Variants in SI observed in about 807,000 individuals in gnomAD.
The protein encoded by SI is sucrase-isomaltase.
In SI, 235 loss-of-function variants were observed where a neutral mutation model predicts 253.3. The observed-to-expected ratio is 0.93, with a 90% CI of 0.83 to 1.03. The LOEUF is 1.03. SI is among the 50% of genes least tolerant of loss of function. SI has a pLI of 0.00. For missense variants in SI, 2,442 were observed against 2,211.1 expected, an observed-to-expected ratio of 1.10 and a Z score of -2.09; for synonymous variants, 819 against 712.0, an observed-to-expected ratio of 1.15 and a Z score of -2.39.
chr3:165,013,189 G>A, intron 33 of SI, 147 bp from the exon 34 acceptor site: 1 of 706,610 alleles, frequency 1.4e-6, no homozygotes. Context: ...CATTATTATT[G>A]ACACACATAC....
At chr3:164,996,995 T>C (rs1718041553) in intron 38 of SI, among the ~76,000 whole-genome samples, 2 of 151,772 alleles carry the variant, frequency 1.3e-5, no homozygotes, top group Admixed American at 1.3e-4. Context: ...ACTATAAGCT[T>C]CCTTGACACT....
intron 2 of SI, among the ~76,000 whole-genome samples, chr3:165,074,928 T>A (rs1169240583): frequency 6.6e-6 from 1 of 151,998 alleles, no homozygotes; most frequent in Admixed American, 6.6e-5. Context: ...ACAAAAGGAC[T>A]TGGTGTAGAT....
intron 18 of SI, among the ~76,000 whole-genome samples, chr3:165,040,688 A>G (rs1712772195): frequency 6.6e-6 from 1 of 152,016 alleles, no homozygotes; most frequent in South Asian, 2.1e-4. Context: ...CTCTTTACTG[A>G]TATAATATCC....
chr3:165,041,344 A>AT (rs905221920), intron 17 of SI, among the ~76,000 whole-genome samples: 68 of 150,822 alleles, frequency 4.5e-4, no homozygotes, highest in African/African-American at 1.1e-3. Flanking sequence ...GAAAAAATAA[A>AT]TTTTTTTTTT....
intron 37 of SI, among the ~76,000 whole-genome samples, chr3:165,004,151 C>T (rs1181195375): frequency 6.6e-6 from 1 of 152,042 alleles, no homozygotes; most frequent in African/African-American, 2.4e-5. Context: ...TTTGAATAGG[C>T]ATTTCTCAAA....
At chr3:165,051,997 C>G (rs1713457226) in intron 13 of SI, among the ~76,000 whole-genome samples, 1 of 151,860 alleles carries the variant, frequency 6.6e-6, no homozygotes, top group Non-Finnish European at 1.5e-5. Context: ...AAATTATTAA[C>G]CTACTGAGGC....
intron 13 of SI, among the ~76,000 whole-genome samples, chr3:165,052,306 G>A (rs1713472463): frequency 6.6e-6 from 1 of 152,070 alleles, no homozygotes; most frequent in Admixed American, 6.6e-5. Flanking sequence ...AGTAGATTTG[G>A]AACATTGTAG....
At chr3:165,015,884 C>T (rs1719001232) in intron 32 of SI, 68 bp downstream of exon 32, 1 of 1,354,140 alleles carries the variant, frequency 7.4e-7, no homozygotes, top group African/African-American at 1.4e-5. Context: ...ATCTTCCCCC[C>T]CACCTGCTCA....
intron 44 of SI, among the ~76,000 whole-genome samples, chr3:164,988,315 A>G (rs961519689): frequency 4.6e-5 from 7 of 152,196 alleles, no homozygotes; most frequent in Admixed American, 6.5e-5. Flanking sequence ...TACCATGAAT[A>G]TGTATATGAA....
At chr3:165,000,762 C>T (rs1718221843) in intron 37 of SI, among the ~76,000 whole-genome samples, 1 of 151,288 alleles carries the variant, frequency 6.6e-6, no homozygotes, top group South Asian at 2.1e-4. Context: ...TTCAATTTTA[C>T]AAATTGTTCA....
At chr3:165,019,435 T>G (rs533124910) in intron 28 of SI, among the ~76,000 whole-genome samples, 167 bp downstream of exon 28, 4 of 151,930 alleles carry the variant, frequency 2.6e-5, no homozygotes, top group Non-Finnish European at 5.9e-5. Flanking sequence ...TAATTTATGG[T>G]GACTTTTTGG....
rs760215038 is a variant in SI, at chr3:165,019,876, T to C, written c.3255-106A>G. On this transcript the variant is annotated intron_variant, in intron 27 of 47. Transcript: ENST00000264382. ...TAGATTATCTAAAAATCAATATTATTTTCCATATTCCTAATTATACCCAGG... is the reference window on the plus strand; with the variant it reads ...TAGATTATCTAAAAATCAATATTATCTTCCATATTCCTAATTATACCCAGG... The C allele has an allele frequency of 2.5e-4, 262 of 1,035,062 alleles. 1 individual carries two copies. The highest frequency in any genetic ancestry group is 3.7e-4 in the Non-Finnish European group (252 of 681,002). 64.1% of individuals were successfully genotyped at this position (1,035,062 alleles called of 1,614,324 possible).
chr3:165,015,821 G>C (rs972531732), intron 32 of SI, 131 bp downstream of exon 32: 4 of 806,354 alleles, frequency 5.0e-6, no homozygotes, highest in Non-Finnish European at 8.5e-6. Context: ...TAAAGGAAGA[G>C]AGTTTTAGAT....
At chr3:164,984,755 T>G (rs1018676555) in intron 45 of SI, among the ~76,000 whole-genome samples, 3 of 152,196 alleles carry the variant, frequency 2.0e-5, no homozygotes, top group African/African-American at 7.2e-5. Flanking sequence ...TTCAAGATAA[T>G]TTGTTACCAC....
At position 165,030,801 on chromosome 3, in the gene SI, A is replaced by G. The variant is rs368086924; in HGVS notation, c.2803T>C (p.Phe935Leu). The change falls in exon 25 of 48, where the codon TTC becomes CTC. Residue 935 changes from phenylalanine to leucine, a missense_variant. Coordinates refer to ENST00000264382, the MANE Select transcript of SI (RefSeq NM_001041.4). Reference sequence around the variant, plus strand: ...CAATTAAATCTTTCATTTTCTGAGAAAATTTGATTCCATTGAACACTAAAG... The same window carrying G: ...CAATTAAATCTTTCATTTTCTGAGAGAATTTGATTCCATTGAACACTAAAG... ...RNFSVQWNQI[F>L]SENERFNCYP... The G allele has an allele frequency of 6.2e-7, 1 of 1,608,166 alleles. No homozygotes were observed. The highest frequency in any genetic ancestry group is 8.5e-7 in the Non-Finnish European group (1 of 1,176,596).
At chr3:164,983,515 T>C (rs1390193700) in intron 45 of SI, among the ~76,000 whole-genome samples, 1 of 152,178 alleles carries the variant, frequency 6.6e-6, no homozygotes, top group East Asian at 1.9e-4. Context: ...TAGTTAGAGA[T>C]TGTTGCAGGT....
chr3:165,037,843 T>C (rs533028830), intron 21 of SI, 57 bp downstream of exon 21: 3 of 1,219,620 alleles, frequency 2.5e-6, no homozygotes, highest in South Asian at 2.6e-5. Flanking sequence ...AATGCAAATA[T>C]GAAATATTAA....
chr3:165,076,110 T>G (rs1352256854), intron 1 of SI, 98 bp from the exon 2 acceptor site: 4 of 915,520 alleles, frequency 4.4e-6, no homozygotes, highest in Non-Finnish European at 6.3e-6. Context: ...TTTTTTACTA[T>G]GTATAATGCA....
chr3:164,979,356 T>C lies in SI; in HGVS notation c.*6A>G. 1 of 1,559,656 alleles carries C rather than the reference T, an allele frequency of 6.4e-7. No individual in the cohort carries two copies. The highest frequency in any genetic ancestry group is 8.8e-7 in the Non-Finnish European group (1 of 1,132,242). ...TCCCATTGACAACTAAAATTGATGG[T>C]GATCTTCATGACCAGTTGATTTCTA... On this transcript the variant is annotated 3_prime_UTR_variant, in exon 48 of 48. Transcript: ENST00000264382.
Sources: allele counts gnomAD v4.1 joint callset (sites outside exome capture counted in the v4.1 genomes callset), GRCh38; gene constraint gnomAD v4.1.1; transcripts MANE v1.5; gene names NCBI Gene and HGNC (gene_info 2026-07-23, HGNC 2026-07-21).